Variants in METTL15 observed in about 807,000 individuals in gnomAD.
The protein encoded by METTL15 is methyltransferase 15, mitochondrial 12S rRNA N4-cytidine.
A neutral mutation model predicts 38.3 loss-of-function variants in METTL15; 34 were observed. That is an observed-to-expected ratio of 0.89 (90% CI 0.68 to 1.18). METTL15 has a LOEUF of 1.18. Among genes scored for constraint, METTL15 ranks in the 50% most tolerant of loss-of-function variants. The probability of loss-of-function intolerance (pLI) is 0.00; values close to 1 mark genes in which losing one functional copy is unlikely to be tolerated. For missense variants in METTL15, 438 were observed against 498.4 expected, an observed-to-expected ratio of 0.88 and a Z score of 1.15; for synonymous variants, 162 against 170.9, an observed-to-expected ratio of 0.95 and a Z score of 0.41.
At position 28,273,901 on chromosome 11, in the gene METTL15, G is replaced by C. The variant is rs568468625; in HGVS notation, c.408-16305G>C. ...GGCTTATTCTTGCAATGCACTTGCA[G>C]ATTTCCGTCTAATCACCAATCACCC... is the stretch of plus-strand genomic sequence containing the variant. On this transcript the variant is annotated intron_variant, in intron 4 of 6. Coordinates refer to ENST00000407364, the MANE Select transcript of METTL15 (RefSeq NM_001113528.2). Among the ~76,000 whole-genome samples the C allele has an allele frequency of 4.6e-5, 7 of 152,182 alleles. No individual in the cohort carries two copies. In the East Asian group the frequency reaches 1.4e-3, roughly 29 times the overall value.
At chr11:28,176,663 G>T (rs760116354) in intron 3 of METTL15, among the ~76,000 whole-genome samples, 5 of 152,182 alleles carry the variant, frequency 3.3e-5, no homozygotes, top group Non-Finnish European at 5.9e-5. Context: ...GCAGTCTCAG[G>T]AGACAGTATT....
downstream of METTL15, among the ~76,000 whole-genome samples, chr11:28,338,408 AG>A: frequency 6.6e-6 from 1 of 152,250 alleles, no homozygotes; most frequent in Non-Finnish European, 1.5e-5. Context: ...CACCATCTTT[AG>A]CTACCTGATC....
At chr11:28,251,751 C>T (rs1011195748) in intron 4 of METTL15, among the ~76,000 whole-genome samples, 2 of 152,002 alleles carry the variant, frequency 1.3e-5, no homozygotes, top group Admixed American at 1.3e-4. Flanking sequence ...ATTTCACACT[C>T]TGGTCATCAT....
chr11:28,472,318 A>T (rs1290485109), intron 6 of METTL15, among the ~76,000 whole-genome samples: 5 of 152,180 alleles, frequency 3.3e-5, no homozygotes, highest in Admixed American at 1.3e-4. Context: ...AGCACTCAAT[A>T]AAGTAGTCAT....
chr11:28,245,932 C>T (rs1007347788), intron 4 of METTL15, among the ~76,000 whole-genome samples: 18 of 152,096 alleles, frequency 1.2e-4, no homozygotes, highest in African/African-American at 4.1e-4. Context: ...CACTAGACCA[C>T]TCCCCTTACA....
At chr11:28,381,537 T>G (rs1316064222) in intron 5 of METTL15, among the ~76,000 whole-genome samples, 1 of 152,116 alleles carries the variant, frequency 6.6e-6, no homozygotes, top group African/African-American at 2.4e-5. Context: ...TAGGCAATCT[T>G]TCTTCTTTTT....
intron 6 of METTL15, among the ~76,000 whole-genome samples, chr11:28,488,960 G>A (rs1442944645): frequency 6.6e-6 from 1 of 152,114 alleles, no homozygotes; most frequent in Non-Finnish European, 1.5e-5. Flanking sequence ...CTTAGAGGTA[G>A]CAACTATGTG....
chr11:28,518,965 G>A (rs530302168), intron 6 of METTL15: 1 of 152,330 alleles, frequency 6.6e-6, no homozygotes, highest in East Asian at 1.9e-4. Context: ...GTGAATGTGT[G>A]TGTATGCATA....
chr11:28,470,873 G>A (rs755174885), intron 6 of METTL15, among the ~76,000 whole-genome samples: 8 of 152,090 alleles, frequency 5.3e-5, no homozygotes, highest in Admixed American at 1.3e-4. Context: ...TCTGGAGTCA[G>A]CATCCCTCAT....
At chr11:28,396,924 A>G (rs1469118005) in intron 5 of METTL15, among the ~76,000 whole-genome samples, 2 of 152,192 alleles carry the variant, frequency 1.3e-5, no homozygotes, top group Non-Finnish European at 2.9e-5. Flanking sequence ...CAGAGCCCTC[A>G]GAAATAATAC....
intron 5 of METTL15, among the ~76,000 whole-genome samples, chr11:28,397,423 G>A (rs1156657839): frequency 1.3e-5 from 2 of 152,092 alleles, no homozygotes; most frequent in Non-Finnish European, 2.9e-5. Context: ...CATCAAGTGG[G>A]TGAAAGATAT....
intron 5 of METTL15, among the ~76,000 whole-genome samples, chr11:28,388,193 T>A (rs1426338738): frequency 6.6e-6 from 1 of 152,096 alleles, no homozygotes; most frequent in Admixed American, 6.6e-5. Context: ...TTCAATATAG[T>A]GCTGGAAGTC....
intron 6 of METTL15, among the ~76,000 whole-genome samples, chr11:28,478,263 CCATG>C (rs1851364065): frequency 6.6e-6 from 1 of 152,014 alleles, no homozygotes; most frequent in Admixed American, 6.6e-5. Context: ...AAAATGTTGA[CCATG>C]CTGTTTTTAT....
intron 4 of METTL15, among the ~76,000 whole-genome samples, chr11:28,358,148 C>T (rs760761774): frequency 6.6e-6 from 1 of 152,108 alleles, no homozygotes; most frequent in African/African-American, 2.4e-5. Flanking sequence ...CCATGTTTCA[C>T]AGACATAGAG....
chr11:28,184,813 A>C (rs1041243610), intron 3 of METTL15, among the ~76,000 whole-genome samples: 1 of 151,558 alleles, frequency 6.6e-6, no homozygotes, highest in Non-Finnish European at 1.5e-5. Context: ...AATGAAAAAT[A>C]AAGGATATTT....
chr11:28,528,543 G>A (rs1851826741), downstream of METTL15, among the ~76,000 whole-genome samples: 1 of 152,126 alleles, frequency 6.6e-6, no homozygotes, highest in Non-Finnish European at 1.5e-5. Context: ...GGGGAAGGCA[G>A]GCCAATTTTG....
At chr11:28,237,546 A>T (rs1452989768) in intron 4 of METTL15, among the ~76,000 whole-genome samples, 2 of 152,112 alleles carry the variant, frequency 1.3e-5, no homozygotes, top group African/African-American at 4.8e-5. Flanking sequence ...CTTTGGTTTG[A>T]ATTTCCTCTT....
chr11:28,340,102 G>A (rs372255674), intron 3 of METTL15, among the ~76,000 whole-genome samples: 42 of 151,936 alleles, frequency 2.8e-4, no homozygotes, highest in South Asian at 4.2e-4. Context: ...AGAAGTATAC[G>A]TACACTAATT....
At chr11:28,200,688 A>G (rs540202299) in intron 3 of METTL15, among the ~76,000 whole-genome samples, 2 of 152,194 alleles carry the variant, frequency 1.3e-5, no homozygotes, top group East Asian at 1.9e-4. Context: ...ATGGGAGTTC[A>G]TTCATGATTT....
Sources: allele counts gnomAD v4.1 joint callset (sites outside exome capture counted in the v4.1 genomes callset), GRCh38; gene constraint gnomAD v4.1.1; transcripts MANE v1.5; gene names NCBI Gene and HGNC (gene_info 2026-07-23, HGNC 2026-07-21).